RNLS: variants seen among roughly 807,000 people sequenced by gnomAD.
The protein encoded by RNLS is renalase.
A neutral mutation model predicts 39.8 loss-of-function variants in RNLS; 39 were observed. That is an observed-to-expected ratio of 0.98 (90% CI 0.76 to 1.28). The LOEUF is 1.28. Ranked by LOEUF, RNLS falls within the 50% of genes most tolerant of loss-of-function variation. The pLI, the probability that RNLS is intolerant of heterozygous loss-of-function variation, is 0.00. For missense variants in RNLS, 410 were observed against 413.3 expected (o/e 0.99, Z 0.07); for synonymous variants, 147 against 150.7 (o/e 0.98, Z 0.18).
intron 6 of RNLS, among the ~76,000 whole-genome samples, chr10:88,289,697 A>G (rs954621305): frequency 6.6e-6 from 1 of 152,186 alleles, no homozygotes; most frequent in African/African-American, 2.4e-5. Flanking sequence ...AAAGTGTGCA[A>G]TAAATGTTTA....
In RNLS at chr10:88,361,928, T is replaced by A. The variant is rs371778961; in HGVS notation, c.700+624A>T. On this transcript the variant is annotated intron_variant, in intron 5 of 6. Transcript: ENST00000331772. ...CTTTTTGCCTAAAAGGAATCAGTTATGTTTTTCTTACAATTCAAATCTAAT... is the reference window on the plus strand; with the variant it reads ...CTTTTTGCCTAAAAGGAATCAGTTAAGTTTTTCTTACAATTCAAATCTAAT... 3.9e-5 allele frequency among the ~76,000 whole-genome samples: 6 copies of A among 152,332 alleles called. No individual in the cohort carries two copies. In the East Asian group the frequency reaches 1.2e-3, roughly 29 times the overall value.
intron 4 of RNLS, among the ~76,000 whole-genome samples, chr10:88,457,900 C>A (rs999293219): frequency 6.6e-6 from 1 of 152,164 alleles, no homozygotes; most frequent in African/African-American, 2.4e-5. Context: ...AGACATGCCA[C>A]CTGTTGGTGC....
intron 6 of RNLS, among the ~76,000 whole-genome samples, chr10:88,292,183 T>C (rs1843716055): frequency 6.6e-6 from 1 of 151,388 alleles, no homozygotes; most frequent in Non-Finnish European, 1.5e-5. Context: ...GAGATATGGG[T>C]CTTGGAGGAC....
intron 4 of RNLS, among the ~76,000 whole-genome samples, chr10:88,494,326 A>G (rs1439683272): frequency 1.3e-5 from 2 of 152,168 alleles, no homozygotes; most frequent in African/African-American, 2.4e-5. Context: ...TTGTTCACCT[A>G]TCCTTTCAGT....
rs1554851480 is a variant in RNLS at position 88,292,591 on chromosome 10, A to AAC, written c.877-7086_877-7085insGT. Among the ~76,000 whole-genome samples the AAC allele has an allele frequency of 2.7e-4, 40 of 149,194 alleles. 1 individual carries two copies. The highest frequency in any genetic ancestry group is 8.2e-4 in the African/African-American group (33 of 40,486). ...AACTCACATTAAAAAAAAAAAAAAAACCTAGTTGCAAAAGACTGTAGATAA... is the reference window on the plus strand; with the variant it reads ...AACTCACATTAAAAAAAAAAAAAAAAACCCTAGTTGCAAAAGACTGTAGATAA... On this transcript the variant is annotated intron_variant, in intron 6 of 6. Transcript: ENST00000331772.
the RNLS span, among the ~76,000 whole-genome samples, chr10:88,244,743 G>A: frequency 4.0e-5 from 6 of 151,330 alleles, no homozygotes; most frequent in African/African-American, 1.5e-4. Context: ...TGTGTAAATG[G>A]GCCACTTTTG....
intron 4 of RNLS, among the ~76,000 whole-genome samples, chr10:88,428,085 A>G (rs1345239625): frequency 6.6e-6 from 1 of 152,020 alleles, no homozygotes; most frequent in African/African-American, 2.4e-5. Flanking sequence ...GCAAAGCAAA[A>G]GGGCAAAGAC....
chr10:88,434,311 A>C (rs1855324628), intron 4 of RNLS, among the ~76,000 whole-genome samples: 1 of 152,122 alleles, frequency 6.6e-6, no homozygotes, highest in South Asian at 2.1e-4. Flanking sequence ...TATTAACAAG[A>C]TAATTTTGAA....
chr10:88,338,735 T>C (rs1406493109), intron 5 of RNLS, among the ~76,000 whole-genome samples: 1 of 150,528 alleles, frequency 6.6e-6, no homozygotes, highest in Admixed American at 6.6e-5. Flanking sequence ...ATCATGTGAG[T>C]GACAGTAGGA....
intron 4 of RNLS, among the ~76,000 whole-genome samples, chr10:88,528,667 G>A (rs1031458900): frequency 4.6e-5 from 7 of 151,980 alleles, no homozygotes; most frequent in African/African-American, 1.7e-4. Flanking sequence ...CTAACGTGGT[G>A]AAACCTCTTC....
intron 5 of RNLS, among the ~76,000 whole-genome samples, chr10:88,355,815 G>T (rs940325491): frequency 6.6e-6 from 1 of 152,204 alleles, no homozygotes; most frequent in South Asian, 2.1e-4. Context: ...CAGAGGTGGG[G>T]TCTACAGAGG....
chr10:88,317,229 T>C (rs544303747), intron 5 of RNLS, among the ~76,000 whole-genome samples: 4 of 152,340 alleles, frequency 2.6e-5, no homozygotes, highest in African/African-American at 7.2e-5. Flanking sequence ...CATCCTTTAA[T>C]AGCCCTGTAA....
At chr10:88,506,154 G>C (rs1190497956) in intron 4 of RNLS, among the ~76,000 whole-genome samples, 1 of 151,992 alleles carries the variant, frequency 6.6e-6, no homozygotes, top group East Asian at 1.9e-4. Context: ...ATATTCTACT[G>C]ACCTGAACTC....
At position 88,393,773 on chromosome 10, in the gene RNLS, C is replaced by T. The variant is rs572628963; in HGVS notation, c.527-31048G>A. ...CAAAAGGACAAAGCTGGAGGCATCACGCTACCTGACTTCAAACTATACTAC... is the reference window on the plus strand; with the variant it reads ...CAAAAGGACAAAGCTGGAGGCATCATGCTACCTGACTTCAAACTATACTAC... On this transcript the variant is annotated intron_variant, in intron 4 of 6. Transcript: ENST00000331772. Among the ~76,000 whole-genome samples, 520 of 152,280 alleles carry T rather than the reference C, an allele frequency of 3.4e-3. 3 individuals carry two copies. Among genetic ancestry groups the T allele is most frequent in the African/African-American group, 0.011 (476 of 41,550 alleles).
intron 3 of RNLS, among the ~76,000 whole-genome samples, chr10:88,580,479 A>T (rs1051911891): frequency 2.6e-5 from 4 of 152,252 alleles, no homozygotes; most frequent in Non-Finnish European, 5.9e-5. Context: ...TTATAAAAAA[A>T]TTCTTAGCCT....
At chr10:88,335,218 T>C (rs948014713) in intron 5 of RNLS, among the ~76,000 whole-genome samples, 5 of 141,508 alleles carry the variant, frequency 3.5e-5, no homozygotes, top group African/African-American at 1.3e-4. Context: ...TTTCTTTTAC[T>C]TTTTTTTTTT....
the RNLS span, among the ~76,000 whole-genome samples, chr10:88,212,399 A>T: frequency 5.3e-5 from 8 of 152,308 alleles, no homozygotes; most frequent in African/African-American, 1.9e-4. Context: ...ACCAACTGTG[A>T]TCTTGCTCTC....
intron 4 of RNLS, among the ~76,000 whole-genome samples, chr10:88,401,938 T>C (rs760476428): frequency 6.6e-6 from 1 of 151,912 alleles, no homozygotes; most frequent in Non-Finnish European, 1.5e-5. Flanking sequence ...TAAAAGCATT[T>C]AACCAAAGCC....
chr10:88,362,539 TA>T lies in RNLS; in HGVS notation c.700+12del, dbSNP rs762650489. 3.1e-6 allele frequency: 5 copies of T among 1,610,382 alleles called. No individual in the cohort carries two copies. In the African/African-American group the frequency reaches 6.7e-5, roughly 22 times the overall value. On this transcript the variant is annotated intron_variant, in intron 5 of 6. Coordinates refer to ENST00000331772, the MANE Select transcript of RNLS (RefSeq NM_001031709.3). Reference sequence around the variant, plus strand: ...TTGTTGCTGTATTTAAGGGAAATAATAGGGGTACTGACCTATATTGCGCTTC... The same window carrying T: ...TTGTTGCTGTATTTAAGGGAAATAATGGGGTACTGACCTATATTGCGCTTC...
Sources: allele counts gnomAD v4.1 joint callset (sites outside exome capture counted in the v4.1 genomes callset), GRCh38; gene constraint gnomAD v4.1.1; transcripts MANE v1.5; gene names NCBI Gene and HGNC (gene_info 2026-07-23, HGNC 2026-07-21).